Variants in MIR2052HG observed in about 807,000 individuals in gnomAD.
MIR2052HG encodes MIR2052 host gene.
chr8:74,633,531 A>C (rs1808545333), intron 2 of MIR2052HG, among the ~76,000 whole-genome samples: 1 of 152,204 alleles, frequency 6.6e-6, no homozygotes, highest in Admixed American at 6.5e-5. Flanking sequence ...GCTCCTCCTC[A>C]GAATGCCATC....
At position 74,601,317 on chromosome 8, in the gene MIR2052HG, G is replaced by C. The variant is rs574159823; in HGVS notation, n.128+1409G>C. Among the ~76,000 whole-genome samples the C allele has an allele frequency of 5.9e-5, 9 of 152,294 alleles. No individual in the cohort carries two copies. In the South Asian group the frequency reaches 8.3e-4, roughly 14 times the overall value. On this transcript the variant is annotated intron_variant and non_coding_transcript_variant, in intron 1 of 6. Coordinates refer to ENST00000523442, the Ensembl canonical transcript of MIR2052HG. ...GCCATTCCTGGAACTTGTTCTTCTTGTTCTCATTTTGGTGTCTTTGTTCAT... is the reference window on the plus strand; with the variant it reads ...GCCATTCCTGGAACTTGTTCTTCTTCTTCTCATTTTGGTGTCTTTGTTCAT...
At chr8:74,741,373 T>C (rs1199301850) in intron 4 of MIR2052HG, among the ~76,000 whole-genome samples, 1 of 152,192 alleles carries the variant, frequency 6.6e-6, no homozygotes, top group East Asian at 1.9e-4. Context: ...TTATCACCTA[T>C]TGAAAATGCA....
chr8:74,604,567 C>T (rs1162759310), intron 1 of MIR2052HG, among the ~76,000 whole-genome samples: 2 of 130,836 alleles, frequency 1.5e-5, no homozygotes, highest in Non-Finnish European at 3.2e-5. Flanking sequence ...TGCTCTGGGC[C>T]GGCCTTGTTT....
At chr8:74,721,544 C>G (rs1809578327) in intron 4 of MIR2052HG, among the ~76,000 whole-genome samples, 1 of 152,182 alleles carries the variant, frequency 6.6e-6, no homozygotes, top group African/African-American at 2.4e-5. Context: ...TAGCTTGGTT[C>G]TCATCCACGA....
intron 2 of MIR2052HG, among the ~76,000 whole-genome samples, chr8:74,632,247 C>T (rs1462395139): frequency 6.6e-6 from 1 of 152,102 alleles, no homozygotes; most frequent in Non-Finnish European, 1.5e-5. Context: ...TCTCCTGGAC[C>T]ACAGCATGAC....
At chr8:74,612,363 T>A (rs544986517) in intron 1 of MIR2052HG, 1 of 157,184 alleles carries the variant, frequency 6.4e-6, no homozygotes, top group African/African-American at 2.4e-5. Flanking sequence ...ATTTCTCATA[T>A]CTTCACTTAT....
intron 2 of MIR2052HG, among the ~76,000 whole-genome samples, chr8:74,623,262 C>T (rs111523911): frequency 0.024 from 3,686 of 152,250 alleles, 137 homozygotes; most frequent in African/African-American, 0.08. Flanking sequence ...AAATATATAT[C>T]ATTTTTATTT....
intron 4 of MIR2052HG, among the ~76,000 whole-genome samples, chr8:74,733,049 C>T (rs184214998): frequency 1.3e-3 from 194 of 148,944 alleles, no homozygotes; most frequent in African/African-American, 4.6e-3. Context: ...AATTAGGAGA[C>T]ATTTATTTAT....
At chr8:74,620,590 T>C (rs1189528099) in intron 2 of MIR2052HG, among the ~76,000 whole-genome samples, 2 of 152,260 alleles carry the variant, frequency 1.3e-5, no homozygotes, top group Non-Finnish European at 2.9e-5. Context: ...GAGTTTGCAC[T>C]CTCTGAAGCA....
At chr8:74,658,400 T>C (rs1188044236) in intron 2 of MIR2052HG, among the ~76,000 whole-genome samples, 2 of 152,068 alleles carry the variant, frequency 1.3e-5, no homozygotes, top group Non-Finnish European at 2.9e-5. Context: ...TTTTTTTTTT[T>C]TTCTTTTTGA....
At chr8:74,683,123 A>C (rs1809143093) in intron 2 of MIR2052HG, among the ~76,000 whole-genome samples, 1 of 152,196 alleles carries the variant, frequency 6.6e-6, no homozygotes, top group Admixed American at 6.6e-5. Context: ...GGTTACATAG[A>C]AGGCTTGAGA....
intron 2 of MIR2052HG, among the ~76,000 whole-genome samples, chr8:74,678,356 C>T (rs946721142): frequency 2.0e-5 from 3 of 151,868 alleles, no homozygotes; most frequent in African/African-American, 4.8e-5. Context: ...GTCAGGAGTT[C>T]GAGACCAGCC....
chr8:74,738,208 C>T (rs1455613373), intron 4 of MIR2052HG, among the ~76,000 whole-genome samples: 1 of 151,562 alleles, frequency 6.6e-6, no homozygotes, highest in African/African-American at 2.4e-5. Flanking sequence ...CATTCAAGGC[C>T]CTCAATCAAC....
At chr8:74,646,178 G>A (rs1442654071) in intron 2 of MIR2052HG, among the ~76,000 whole-genome samples, 1 of 152,164 alleles carries the variant, frequency 6.6e-6, no homozygotes, top group Admixed American at 6.5e-5. Flanking sequence ...AGTACAGAAT[G>A]TCTCTTCTCC....
chr8:74,634,811 G>C (rs532316109), intron 2 of MIR2052HG, among the ~76,000 whole-genome samples: 2 of 152,016 alleles, frequency 1.3e-5, no homozygotes, highest in South Asian at 4.2e-4. Flanking sequence ...AAATCTGAGG[G>C]GTCCATAGCT....
intron 2 of MIR2052HG, among the ~76,000 whole-genome samples, chr8:74,698,681 T>G (rs1032804437): frequency 6.6e-6 from 1 of 151,858 alleles, no homozygotes; most frequent in African/African-American, 2.4e-5. Context: ...AACAATCCCA[T>G]GAAAAGGTGG....
At chr8:74,643,625 C>A (rs1402294318) in intron 2 of MIR2052HG, among the ~76,000 whole-genome samples, 1 of 151,884 alleles carries the variant, frequency 6.6e-6, no homozygotes, top group East Asian at 1.9e-4. Context: ...TACTATAATC[C>A]CAGTAAATCT....
At chr8:74,648,204 C>T (rs542601890) in intron 2 of MIR2052HG, among the ~76,000 whole-genome samples, 7 of 151,972 alleles carry the variant, frequency 4.6e-5, no homozygotes, top group South Asian at 2.1e-4. Flanking sequence ...TAATTGATAC[C>T]CTGGGTAAGG....
At chr8:74,703,586 A>T (rs1809378820) in intron 3 of MIR2052HG, 1 of 447,248 alleles carries the variant, frequency 2.2e-6, no homozygotes, top group African/African-American at 2.0e-5. Flanking sequence ...TCTCAGCTAT[A>T]TTCTGCTATT....
Sources: allele counts gnomAD v4.1 joint callset (sites outside exome capture counted in the v4.1 genomes callset), GRCh38; gene constraint gnomAD v4.1.1; transcripts MANE v1.5; gene names NCBI Gene and HGNC (gene_info 2026-07-23, HGNC 2026-07-21).